The following QRICH1 variants were observed in gnomAD, a reference collection of about 807,000 sequenced individuals.
QRICH1 encodes the protein transcriptional regulator QRICH1.
A neutral mutation model predicts 87.1 loss-of-function variants in QRICH1; 16 were observed. The ratio of observed to expected loss-of-function variants is 0.18; its 90% CI spans 0.12 to 0.28. The LOEUF (loss-of-function observed/expected upper bound fraction) is 0.28. Among genes scored for constraint, QRICH1 ranks in the 10% least tolerant of loss-of-function variants. The probability of loss-of-function intolerance (pLI) is 1.00; values close to 1 mark genes in which losing one functional copy is unlikely to be tolerated. For missense variants in QRICH1, 647 were observed against 951.7 expected (o/e 0.68, Z 4.21); for synonymous variants, 367 against 368.4 (o/e 1.00, Z 0.05).
chr3:49,094,202 T>G (rs1030345280), upstream of QRICH1: 28 of 386,352 alleles, frequency 7.2e-5, no homozygotes, highest in Admixed American at 1.2e-3. Flanking sequence ...CTAGAGCGGA[T>G]AGTGGATCCT....
intron 6 of QRICH1, among the ~76,000 whole-genome samples, chr3:49,035,192 T>C (rs2093267546): frequency 6.6e-6 from 1 of 152,148 alleles, no homozygotes. Context: ...CACCTCAGCC[T>C]CCCTAGTAGC....
chr3:49,077,019 T>C lies in QRICH1; in HGVS notation c.-2A>G, dbSNP rs751147545. The C allele has an allele frequency of 5.5e-6, 8 of 1,457,806 alleles. No individual in the cohort carries two copies. The highest frequency in any genetic ancestry group is 2.4e-5 in the East Asian group (1 of 42,188). 90.3% of individuals were successfully genotyped at this position (1,457,806 alleles called of 1,614,324 possible). On this transcript the variant is annotated 5_prime_UTR_variant, in exon 2 of 10. Coordinates refer to ENST00000395443, the MANE Select transcript of QRICH1 (RefSeq NM_198880.3). ...GGTGTTCTCTAGGGAATTATTCATA[T>C]TGCAGAGTCCTTAGGGTTCCTAGAA...
intron 3 of QRICH1, among the ~76,000 whole-genome samples, chr3:49,048,204 C>T (rs1428905272): frequency 6.6e-6 from 1 of 150,694 alleles, no homozygotes; most frequent in Non-Finnish European, 1.5e-5. Flanking sequence ...AGGATCTCGG[C>T]TCACCTCAAC....
At chr3:49,049,083 G>A (rs1326700946) in intron 3 of QRICH1, among the ~76,000 whole-genome samples, 7 of 151,690 alleles carry the variant, frequency 4.6e-5, no homozygotes, top group East Asian at 2.0e-4. Context: ...TGTAGTTTTC[G>A]TAGAGACGGC....
intron 1 of QRICH1, among the ~76,000 whole-genome samples, chr3:49,091,849 G>C (rs1027027861): frequency 1.3e-5 from 2 of 152,092 alleles, no homozygotes; most frequent in African/African-American, 2.4e-5. Flanking sequence ...AGGGCGGGTG[G>C]ATCACGAGGT....
At chr3:49,050,180 C>T (rs1286733016) in intron 3 of QRICH1, among the ~76,000 whole-genome samples, 2 of 142,570 alleles carry the variant, frequency 1.4e-5, no homozygotes, top group African/African-American at 2.6e-5. Context: ...ACCTGGGAGG[C>T]GGAGCTTGCA....
intron 3 of QRICH1, 107 bp downstream of exon 3, chr3:49,056,755 T>A: frequency 2.0e-6 from 3 of 1,523,324 alleles, no homozygotes; most frequent in Non-Finnish European, 2.7e-6. Context: ...ACTGCATCAC[T>A]GTAAGAGTAA....
At chr3:49,030,764 A>G in intron 9 of QRICH1, 120 bp from the exon 10 acceptor site, 1 of 862,366 alleles carries the variant, frequency 1.2e-6, no homozygotes, top group Non-Finnish European at 1.7e-6. Context: ...TGGCACAGCT[A>G]CTGAATTCCA....
chr3:49,069,519 G>A (rs969525700), intron 2 of QRICH1, among the ~76,000 whole-genome samples: 10 of 147,714 alleles, frequency 6.8e-5, no homozygotes, highest in Non-Finnish European at 5.9e-5. Context: ...AAAGGCTGGC[G>A]AAAATACAGA....
At chr3:49,049,409 C>A (rs1361616599) in intron 3 of QRICH1, among the ~76,000 whole-genome samples, 1 of 151,886 alleles carries the variant, frequency 6.6e-6, no homozygotes, top group African/African-American at 2.4e-5. Context: ...AGTGCCACTG[C>A]ACTCCAGCCT....
chr3:49,094,000 G>A lies in QRICH1; in HGVS notation c.-110C>T. On this transcript the variant is annotated 5_prime_UTR_variant, in exon 1 of 10. Transcript: ENST00000395443. ...CAGGGACCCTGGTTCTGCCGTCGTCGCTCCAAGACCGACAGGGTTTTCTCC... is the reference window on the plus strand; with the variant it reads ...CAGGGACCCTGGTTCTGCCGTCGTCACTCCAAGACCGACAGGGTTTTCTCC... 3 of 399,170 alleles carry A rather than the reference G, an allele frequency of 7.5e-6. No homozygotes were observed. Among genetic ancestry groups the A allele is most frequent in the Admixed American group, 4.4e-5 (1 of 22,728 alleles). 24.7% of individuals were successfully genotyped at this position (399,170 alleles called of 1,614,324 possible).
intron 3 of QRICH1, among the ~76,000 whole-genome samples, chr3:49,053,324 T>C (rs1157117184): frequency 6.6e-6 from 1 of 151,644 alleles, no homozygotes; most frequent in Non-Finnish European, 1.5e-5. Flanking sequence ...TTGTCTCTAC[T>C]AAAAATACAA....
chr3:49,043,523 A>AT (rs2093322697), intron 6 of QRICH1, among the ~76,000 whole-genome samples: 1 of 144,414 alleles, frequency 6.9e-6, no homozygotes, highest in Admixed American at 7.0e-5. Flanking sequence ...AAAAAAAAAA[A>AT]GTCTATTAAA....
chr3:49,043,910 T>C (rs1410430638), intron 6 of QRICH1, among the ~76,000 whole-genome samples: 2 of 152,106 alleles, frequency 1.3e-5, no homozygotes, highest in Non-Finnish European at 2.9e-5. Context: ...GAGGCTGAGG[T>C]AGGAGGATCG....
At chr3:49,034,079 T>TTTATTATTA (rs10691654) in intron 6 of QRICH1, among the ~76,000 whole-genome samples, 6,943 of 147,136 alleles carry the variant, frequency 0.047, 293 homozygotes, top group African/African-American at 0.11. Flanking sequence ...TTTGGGGGAT[T>TTTATTATTA]TTATTATTAT....
rs139442059 is a variant in QRICH1, at chr3:49,051,344, G to T, written c.1339-4098C>A. 6.6e-5 allele frequency among the ~76,000 whole-genome samples: 10 copies of T among 152,114 alleles called. No homozygotes were observed. The East Asian group carries it at 1.9e-3, about 29-fold the overall frequency. On this transcript the variant is annotated intron_variant, in intron 3 of 9. Transcript: ENST00000395443. ...CAACATTGTCCTTTGCACTCTGCTC[G>T]GCTTCCTGATATATCATCCTCCCGG...
chr3:49,060,084 C>T (rs1207763336), intron 2 of QRICH1, among the ~76,000 whole-genome samples: 3 of 150,768 alleles, frequency 2.0e-5, no homozygotes, highest in East Asian at 2.0e-4. Flanking sequence ...AGGGTTTCAC[C>T]GTGTTAGCCA....
rs187766404 is a variant in QRICH1 at position 49,063,889 on chromosome 3, A to G, written c.310-5999T>C. Among the ~76,000 whole-genome samples, 433 of 152,242 alleles carry G rather than the reference A, an allele frequency of 2.8e-3. 7 individuals are homozygous for G. In the Middle Eastern group the frequency reaches 0.037, roughly 13 times the overall value. ...AATATTTACTTGTACTCTAAATTAA[A>G]ACTAGGAATTTAATTTTTTAATTCT... On this transcript the variant is annotated intron_variant, in intron 2 of 9. Transcript: ENST00000395443.
chr3:49,032,480 T>C, intron 8 of QRICH1, 142 bp downstream of exon 8: 1 of 1,180,634 alleles, frequency 8.5e-7, no homozygotes. Flanking sequence ...AAGTTTGGAA[T>C]TTTTGGCTGG....
Sources: gnomAD v4.1 joint callset for allele counts (sites outside exome capture counted in the v4.1 genomes callset) on GRCh38, gnomAD v4.1.1 for gene constraint, MANE v1.5 for transcripts, NCBI Gene and HGNC (gene_info 2026-07-23, HGNC 2026-07-21) for gene names.